CTNNA3: variants seen among roughly 807,000 people sequenced by gnomAD.
The protein encoded by CTNNA3 is catenin alpha 3.
CTNNA3 carries 76 observed loss-of-function variants against 95.7 expected under a neutral mutation model. The observed-to-expected ratio is 0.79, with a 90% confidence interval of 0.66 to 0.96. CTNNA3 has a LOEUF of 0.96. Among genes scored for constraint, CTNNA3 ranks in the 40% least tolerant of loss-of-function variants. CTNNA3 has a pLI of 0.00. For missense variants in CTNNA3, 1,191 were observed against 1,089.8 expected (o/e 1.09, Z -1.31); for synonymous variants, 431 against 374.4 (o/e 1.15, Z -1.74).
At chr10:67,656,600 G>C (rs1589541120) in intron 1 of CTNNA3, among the ~76,000 whole-genome samples, 1 of 152,034 alleles carries the variant, frequency 6.6e-6, no homozygotes, top group African/African-American at 2.4e-5. Context: ...AGAGTAGGCA[G>C]GGCTGGGTGA....
intron 12 of CTNNA3, among the ~76,000 whole-genome samples, chr10:66,281,984 A>G (rs973587758): frequency 2.6e-5 from 4 of 151,880 alleles, no homozygotes; most frequent in Non-Finnish European, 5.9e-5. Context: ...AATTAAATTC[A>G]TTAGCCTCAA....
At chr10:66,701,247 T>C (rs1288126650) in intron 9 of CTNNA3, among the ~76,000 whole-genome samples, 1 of 152,172 alleles carries the variant, frequency 6.6e-6, no homozygotes, top group Non-Finnish European at 1.5e-5. Flanking sequence ...AACACTACAC[T>C]ATCTTGATAA....
At chr10:67,752,111 A>C (rs1841410892) in intron 1 of CTNNA3, among the ~76,000 whole-genome samples, 1 of 152,310 alleles carries the variant, frequency 6.6e-6, no homozygotes, top group African/African-American at 2.4e-5. Flanking sequence ...AGCACATCAA[A>C]AAGGTTATCC....
At chr10:66,346,409 G>A (rs2092520198) in intron 12 of CTNNA3, among the ~76,000 whole-genome samples, 1 of 151,464 alleles carries the variant, frequency 6.6e-6, no homozygotes, top group South Asian at 2.1e-4. Context: ...CTCCTGAGTA[G>A]CTGGGACTAC....
intron 7 of CTNNA3, among the ~76,000 whole-genome samples, chr10:66,788,758 T>C (rs1182481586): frequency 1.3e-5 from 2 of 151,990 alleles, no homozygotes; most frequent in Non-Finnish European, 2.9e-5. Flanking sequence ...AGTACTGCAT[T>C]GAAGAACCAT....
intron 5 of CTNNA3, among the ~76,000 whole-genome samples, chr10:67,476,788 T>G (rs1235044293): frequency 6.6e-6 from 1 of 150,974 alleles, no homozygotes; most frequent in Non-Finnish European, 1.5e-5. Flanking sequence ...CCTGCATATC[T>G]CCAGGCATTC....
At chr10:66,667,465 A>G (rs1846497840) in intron 9 of CTNNA3, among the ~76,000 whole-genome samples, 1 of 152,158 alleles carries the variant, frequency 6.6e-6, no homozygotes, top group South Asian at 2.1e-4. Context: ...TATCAGCAGT[A>G]TGTTTTGACT....
intron 1 of CTNNA3, among the ~76,000 whole-genome samples, chr10:67,709,018 T>C (rs1230973659): frequency 1.3e-5 from 2 of 151,860 alleles, no homozygotes; most frequent in African/African-American, 4.8e-5. Flanking sequence ...TATATTTGCA[T>C]TTCATTATAT....
Position 66,411,567 on chromosome 10 carries a change from A to G in CTNNA3, c.1532-32215T>C, listed in dbSNP as rs146564500. On this transcript the variant is annotated intron_variant, in intron 11 of 17. Coordinates refer to ENST00000433211, the MANE Select transcript of CTNNA3 (RefSeq NM_013266.4). ...AAATATTTATAAGGTTTACCATTGG[A>G]TAAAGATAATGTGGGTGCTTGAGAC... Among the ~76,000 whole-genome samples, 506 of 152,234 alleles carry G rather than the reference A, an allele frequency of 3.3e-3. 1 individual carries two copies. Among genetic ancestry groups the G allele is most frequent in the African/African-American group, 0.012 (485 of 41,560 alleles).
chr10:66,291,450 C>T (rs568872869), intron 12 of CTNNA3, among the ~76,000 whole-genome samples: 12 of 152,228 alleles, frequency 7.9e-5, no homozygotes, highest in African/African-American at 2.9e-4. Flanking sequence ...CAGGGATCAT[C>T]TTTGAGAATC....
rs35802902 is a variant in CTNNA3 at position 66,971,426 on chromosome 10, CAA to C, written c.1048-195904_1048-195903del. Among the ~76,000 whole-genome samples, 8 of 150,512 alleles carry C rather than the reference CAA, an allele frequency of 5.3e-5. No homozygotes were observed. The South Asian group carries it at 8.4e-4, about 16-fold the overall frequency. The stretch of plus-strand genomic sequence containing the variant: ...TGGGCAACAGAGAGAGACTCCGTCT[CAA>C]AAAAAAAAATACATACATACATACA... On this transcript the variant is annotated intron_variant, in intron 7 of 17. Transcript: ENST00000433211.
chr10:67,596,354 A>G (rs1370588162), intron 3 of CTNNA3, among the ~76,000 whole-genome samples: 1 of 152,148 alleles, frequency 6.6e-6, no homozygotes, highest in Non-Finnish European at 1.5e-5. Flanking sequence ...CTTGGTGATG[A>G]CCTTGAGTAG....
rs78661798 is a variant in CTNNA3, at chr10:66,708,368, C to T, written c.1281+57896G>A. Among the ~76,000 whole-genome samples the T allele has an allele frequency of 5.5e-3, 835 of 152,096 alleles. 3 individuals carry two copies. Among genetic ancestry groups the T allele is most frequent in the Non-Finnish European group, 9.5e-3 (643 of 67,984 alleles). On this transcript the variant is annotated intron_variant, in intron 9 of 17. Transcript: ENST00000433211. ...ACCTCTTGTCTTTGCTTGCGGGTGG[C>T]GGCCTTCTTGCTCTGTCTTCGCATG... is the stretch of plus-strand genomic sequence containing the variant.
chr10:66,840,302 C>T (rs5019668), intron 7 of CTNNA3, among the ~76,000 whole-genome samples: 11,495 of 141,970 alleles, frequency 0.081, 606 homozygotes, highest in Middle Eastern at 0.14. Flanking sequence ...TTAGATCCTG[C>T]ATTTCTTCTT....
intron 7 of CTNNA3, among the ~76,000 whole-genome samples, chr10:66,922,626 C>T (rs1407452787): frequency 6.6e-6 from 1 of 152,140 alleles, no homozygotes; most frequent in East Asian, 1.9e-4. Context: ...ATACACAGTT[C>T]CTGGAGGCTG....
At chr10:66,822,180 A>G (rs928796625) in intron 7 of CTNNA3, among the ~76,000 whole-genome samples, 2 of 150,764 alleles carry the variant, frequency 1.3e-5, no homozygotes, top group African/African-American at 4.9e-5. Flanking sequence ...TATATATTTT[A>G]GCAATATAAA....
At chr10:67,489,986 T>C (rs1848591117) in intron 5 of CTNNA3, among the ~76,000 whole-genome samples, 1 of 152,108 alleles carries the variant, frequency 6.6e-6, no homozygotes, top group African/African-American at 2.4e-5. Context: ...AAAAGAAAAC[T>C]CATCACAGGT....
chr10:67,319,053 G>A (rs2132546876), intron 5 of CTNNA3, among the ~76,000 whole-genome samples: 1 of 152,228 alleles, frequency 6.6e-6, no homozygotes, highest in East Asian at 1.9e-4. Context: ...GCTTTCCTTT[G>A]GCCAGTATAC....
chr10:67,481,289 A>C (rs1848217226), intron 5 of CTNNA3, among the ~76,000 whole-genome samples: 1 of 152,214 alleles, frequency 6.6e-6, no homozygotes, highest in African/African-American at 2.4e-5. Context: ...ACAATGAGGC[A>C]AGAGAAAGAA....
Sources: gnomAD v4.1 joint callset for allele counts (sites outside exome capture counted in the v4.1 genomes callset) on GRCh38, gnomAD v4.1.1 for gene constraint, MANE v1.5 for transcripts, NCBI Gene and HGNC (gene_info 2026-07-23, HGNC 2026-07-21) for gene names.